REC114: variants seen among roughly 807,000 people sequenced by gnomAD.
REC114 encodes the protein meiotic recombination protein REC114.
REC114 carries 27 observed loss-of-function variants against 31.3 expected under a neutral mutation model. The observed-to-expected ratio is 0.86, with a 90% CI of 0.64 to 1.19. The LOEUF (loss-of-function observed/expected upper bound fraction) is 1.19. Among genes scored for constraint, REC114 ranks in the 50% most tolerant of loss-of-function variants. The probability of loss-of-function intolerance (pLI) is 0.00; values close to 1 mark genes in which losing one functional copy is unlikely to be tolerated. For synonymous variants in REC114, 134 were observed against 127.7 expected, an observed-to-expected ratio of 1.05 and a Z score of -0.33; for missense variants, 344 against 326.9, an observed-to-expected ratio of 1.05 and a Z score of -0.40.
intron 2 of REC114, among the ~76,000 whole-genome samples, chr15:73,503,152 A>G: frequency 6.6e-6 from 1 of 152,228 alleles, no homozygotes; most frequent in Non-Finnish European, 1.5e-5. Flanking sequence ...TGACCCAGCA[A>G]TAAAGGCTCT....
intron 2 of REC114, among the ~76,000 whole-genome samples, chr15:73,496,378 A>AG (rs1253743074): frequency 8.1e-5 from 12 of 147,600 alleles, no homozygotes; most frequent in African/African-American, 3.0e-4. Context: ...AAAAAAAAAA[A>AG]GTTGCAAAAG....
intron 2 of REC114, among the ~76,000 whole-genome samples, chr15:73,516,151 AATTTTTGT>A (rs1308818479): frequency 1.3e-5 from 2 of 151,898 alleles, no homozygotes; most frequent in Non-Finnish European, 2.9e-5. Flanking sequence ...AGGCCCAGCT[AATTTTTGT>A]ATTTTTAGTA....
At chr15:73,540,210 A>G (rs1894219464) in intron 2 of REC114, among the ~76,000 whole-genome samples, 2 of 152,186 alleles carry the variant, frequency 1.3e-5, no homozygotes, top group African/African-American at 4.8e-5. Flanking sequence ...AAATATGACT[A>G]TGGACACTTA....
intron 1 of REC114, among the ~76,000 whole-genome samples, chr15:73,463,421 T>G (rs1893016597): frequency 1.3e-5 from 2 of 152,216 alleles, no homozygotes; most frequent in South Asian, 4.1e-4. Flanking sequence ...TCTAGAATAT[T>G]TCTGTAAAGA....
intron 2 of REC114, among the ~76,000 whole-genome samples, chr15:73,481,651 T>C (rs1336609316): frequency 2.6e-5 from 2 of 77,330 alleles, no homozygotes; most frequent in Admixed American, 1.1e-4. Flanking sequence ...CTTAACTCCC[T>C]TTTTTTTTTT....
At chr15:73,540,223 T>C (rs1023444921) in intron 2 of REC114, among the ~76,000 whole-genome samples, 5 of 152,166 alleles carry the variant, frequency 3.3e-5, no homozygotes, top group Non-Finnish European at 7.3e-5. Context: ...GACACTTAAC[T>C]ATCTTTAGTA....
intron 1 of REC114, among the ~76,000 whole-genome samples, chr15:73,467,123 A>G (rs372165637): frequency 2.6e-5 from 4 of 152,350 alleles, no homozygotes; most frequent in East Asian, 1.9e-4. Flanking sequence ...GTAGACAACA[A>G]TTTAAGAATA....
At chr15:73,453,070 T>C (rs2151251667) in intron 1 of REC114, among the ~76,000 whole-genome samples, 1 of 152,282 alleles carries the variant, frequency 6.6e-6, no homozygotes, top group Admixed American at 6.5e-5. Context: ...GACATAGGCA[T>C]GGGCAAAGAC....
At chr15:73,514,009 C>T (rs947879766) in intron 2 of REC114, among the ~76,000 whole-genome samples, 1 of 152,106 alleles carries the variant, frequency 6.6e-6, no homozygotes, top group Non-Finnish European at 1.5e-5. Flanking sequence ...TTTACCTAAG[C>T]AAGCCTGGGC....
chr15:73,474,577 A>C lies in REC114; in HGVS notation c.249+656A>C, dbSNP rs145798317. On this transcript the variant is annotated intron_variant, in intron 2 of 5. Transcript: ENST00000331090. ...TCATTTAGCTGTGAATGGGGTCTAC[A>C]TTGACATAAATTCATACAACAAATA... Among the ~76,000 whole-genome samples, 306 of 152,334 alleles carry C rather than the reference A, an allele frequency of 2.0e-3. 1 individual carries two copies. The highest frequency in any genetic ancestry group is 7.2e-3 in the African/African-American group (299 of 41,580).
intron 1 of REC114, among the ~76,000 whole-genome samples, chr15:73,459,055 C>T (rs911520410): frequency 7.9e-5 from 12 of 152,088 alleles, no homozygotes; most frequent in African/African-American, 2.4e-4. Context: ...ATGTTAATAC[C>T]TAGAACACTG....
At chr15:73,552,297 T>C (rs886961327) in intron 4 of REC114, among the ~76,000 whole-genome samples, 3 of 152,244 alleles carry the variant, frequency 2.0e-5, no homozygotes, top group Admixed American at 6.5e-5. Context: ...ATTTTCTTCA[T>C]GTCTTCAACC....
chr15:73,445,855 A>C (rs1485058249), intron 1 of REC114, among the ~76,000 whole-genome samples: 1 of 152,200 alleles, frequency 6.6e-6, no homozygotes, highest in African/African-American at 2.4e-5. Context: ...TATAATAATA[A>C]TAATAATGAA....
chr15:73,445,694 G>T (rs987391746), intron 1 of REC114, among the ~76,000 whole-genome samples: 1 of 152,106 alleles, frequency 6.6e-6, no homozygotes, highest in African/African-American at 2.4e-5. Context: ...CTGAGGAGAG[G>T]GAGAGAGACA....
rs577018719 is a variant in REC114, at chr15:73,552,734, A to AT, written c.546+1589dup. On this transcript the variant is annotated intron_variant, in intron 4 of 5. Transcript: ENST00000331090. ...GGTTTTGCATTTGCTTTGAGAAGTG[A>AT]TTTTTCCAAACCTGGTTTTCCATTA... Among the ~76,000 whole-genome samples the AT allele has an allele frequency of 2.0e-5, 3 of 152,226 alleles. No homozygotes were observed. The East Asian group carries it at 5.8e-4, about 29-fold the overall frequency.
In REC114 at chr15:73,470,941, C is replaced by G. The variant is rs185682989; in HGVS notation, c.160-2891C>G. On this transcript the variant is annotated intron_variant, in intron 1 of 5. Transcript: ENST00000331090. The stretch of plus-strand genomic sequence containing the variant: ...GTGGGTTCAGGGAGCAGGAAGGAGG[C>G]TAGTGTGGCTGATGAGAGTGCACAG... Among the ~76,000 whole-genome samples the G allele has an allele frequency of 2.6e-5, 4 of 152,190 alleles. No homozygotes were observed. In the East Asian group the frequency reaches 7.7e-4, roughly 29 times the overall value.
In REC114 at chr15:73,552,282, G is replaced by A. The variant is rs146437030; in HGVS notation, c.546+1132G>A. Among the ~76,000 whole-genome samples, 490 of 152,262 alleles carry A rather than the reference G, an allele frequency of 3.2e-3. 1 individual carries two copies. Among genetic ancestry groups the A allele is most frequent in the Admixed American group, 6.4e-3 (98 of 15,282 alleles). ...CTTCTCCATCTATAATTTGTGTGAG[G>A]CCAGATTTTCTTCATGTCTTCAACC... On this transcript the variant is annotated intron_variant, in intron 4 of 5. Coordinates refer to ENST00000331090, the MANE Select transcript of REC114 (RefSeq NM_001042367.2).
intron 1 of REC114, among the ~76,000 whole-genome samples, chr15:73,453,524 G>C (rs1892879663): frequency 6.6e-6 from 1 of 152,156 alleles, no homozygotes; most frequent in Non-Finnish European, 1.5e-5. Flanking sequence ...GTTTGTAAGA[G>C]TGTAAATTAG....
chr15:73,493,008 T>A lies in REC114; in HGVS notation c.249+19087T>A, dbSNP rs189570846. On this transcript the variant is annotated intron_variant, in intron 2 of 5. Coordinates refer to ENST00000331090, the MANE Select transcript of REC114 (RefSeq NM_001042367.2). ...ATTTTTTTTACTCTTCTTTATTTTT[T>A]TTTATTTTTATTTATTTATTTTTTT... Among the ~76,000 whole-genome samples the A allele has an allele frequency of 1.5e-4, 23 of 151,938 alleles. No homozygotes were observed. The East Asian group carries it at 3.3e-3, about 22-fold the overall frequency.
Sources: gnomAD v4.1 joint callset for allele counts (sites outside exome capture counted in the v4.1 genomes callset) on GRCh38, gnomAD v4.1.1 for gene constraint, MANE v1.5 for transcripts, NCBI Gene and HGNC (gene_info 2026-07-23, HGNC 2026-07-21) for gene names.